The following DSCAM variants were observed in gnomAD, a reference collection of about 807,000 sequenced individuals.
DSCAM encodes the protein DS cell adhesion molecule, also known as cell adhesion molecule DSCAM.
DSCAM carries 47 observed loss-of-function variants against 217.7 expected under a neutral mutation model. The observed-to-expected ratio is 0.22, with a 90% CI of 0.17 to 0.28. The LOEUF is 0.28. Among genes scored for constraint, DSCAM ranks in the 10% least tolerant of loss-of-function variants. The pLI, the probability that DSCAM is intolerant of heterozygous loss-of-function variation, is 1.00. For missense variants in DSCAM, 2,080 were observed against 2,618.3 expected (o/e 0.79, Z 4.49); for synonymous variants, 1,056 against 1,015.3 (o/e 1.04, Z -0.76).
Position 40,546,508 on chromosome 21 carries a change from T to G in DSCAM, c.508+146302A>C, listed in dbSNP as rs541240230. On this transcript the variant is annotated intron_variant, in intron 3 of 32. Coordinates refer to ENST00000400454, the MANE Select transcript of DSCAM (RefSeq NM_001389.5). ...TCTCTGAGCCACCTCAGTTTCCATG[T>G]GAGGAGTAGGGGGTGACAATACCTA... is the stretch of plus-strand genomic sequence containing the variant. Among the ~76,000 whole-genome samples the G allele has an allele frequency of 2.8e-4, 42 of 152,266 alleles. No individual in the cohort carries two copies. In the South Asian group the frequency reaches 8.7e-3, roughly 32 times the overall value.
chr21:40,175,770 A>AACAC (rs1329501944), intron 15 of DSCAM, among the ~76,000 whole-genome samples: 4,818 of 126,296 alleles, frequency 0.038, 112 homozygotes, highest in South Asian at 0.042. Flanking sequence ...ATATTTTCTC[A>AACAC]ACACACACAT....
At chr21:40,444,339 T>C (rs1160128608) in intron 3 of DSCAM, among the ~76,000 whole-genome samples, 1 of 152,200 alleles carries the variant, frequency 6.6e-6, no homozygotes, top group African/African-American at 2.4e-5. Flanking sequence ...TAAATGTTTT[T>C]GTGTGGCTTG....
At chr21:40,671,375 A>G (rs978392102) in intron 3 of DSCAM, among the ~76,000 whole-genome samples, 5 of 152,192 alleles carry the variant, frequency 3.3e-5, no homozygotes, top group African/African-American at 1.2e-4. Flanking sequence ...AAGTCTCCAT[A>G]CACTAACATG....
chr21:40,229,343 T>C (rs554407612), intron 11 of DSCAM, among the ~76,000 whole-genome samples: 1 of 152,340 alleles, frequency 6.6e-6, no homozygotes, highest in Non-Finnish European at 1.5e-5. Flanking sequence ...CTTAAATGCT[T>C]TTTTTGAAAA....
At chr21:40,430,533 C>T (rs933604359) in intron 3 of DSCAM, among the ~76,000 whole-genome samples, 12 of 152,228 alleles carry the variant, frequency 7.9e-5, no homozygotes, top group African/African-American at 2.2e-4. Context: ...TTTTGGGACT[C>T]GAACTGGCTC....
At chr21:40,166,848 T>C (rs2090599905) in intron 16 of DSCAM, among the ~76,000 whole-genome samples, 1 of 152,166 alleles carries the variant, frequency 6.6e-6, no homozygotes, top group South Asian at 2.1e-4. Flanking sequence ...GTGGACTGTC[T>C]GCCACCGCAT....
Position 40,140,033 on chromosome 21 carries a change from G to A in DSCAM, c.3406+2525C>T, listed in dbSNP as rs1358274181. Among the ~76,000 whole-genome samples, 3 of 151,910 alleles carry A rather than the reference G, an allele frequency of 2.0e-5. No individual in the cohort carries two copies. The East Asian group carries it at 5.8e-4, about 29-fold the overall frequency. On this transcript the variant is annotated intron_variant, in intron 18 of 32. Coordinates refer to ENST00000400454, the MANE Select transcript of DSCAM (RefSeq NM_001389.5). ...ATGTGTGGTGTGTGCGCACGTGTAT[G>A]TGGTGTCGGTCAGCAGTCACTTCCT...
chr21:40,019,537 C>G (rs899454488), intron 32 of DSCAM, among the ~76,000 whole-genome samples: 1 of 152,202 alleles, frequency 6.6e-6, no homozygotes, highest in Admixed American at 6.5e-5. Flanking sequence ...GCAGGGCCTT[C>G]TTGGGTGTGT....
intron 4 of DSCAM, among the ~76,000 whole-genome samples, chr21:40,359,223 G>A (rs2074730570): frequency 6.6e-6 from 1 of 152,148 alleles, no homozygotes; most frequent in Non-Finnish European, 1.5e-5. Flanking sequence ...ACGTAAAAAT[G>A]GCTTGCTGGA....
At chr21:40,051,648 C>T (rs2088933323) in intron 30 of DSCAM, among the ~76,000 whole-genome samples, 1 of 152,150 alleles carries the variant, frequency 6.6e-6, no homozygotes, top group African/African-American at 2.4e-5. Context: ...TACTGGCATA[C>T]AGCAGATACA....
At chr21:40,301,713 C>G (rs1416721806) in intron 9 of DSCAM, among the ~76,000 whole-genome samples, 1 of 137,480 alleles carries the variant, frequency 7.3e-6, no homozygotes, top group Non-Finnish European at 1.5e-5. Flanking sequence ...GCCCAGCGCA[C>G]AGCACAGATC....
At chr21:40,585,628 T>C (rs1256038555) in intron 3 of DSCAM, among the ~76,000 whole-genome samples, 1 of 152,090 alleles carries the variant, frequency 6.6e-6, no homozygotes, top group African/African-American at 2.4e-5. Flanking sequence ...TAAGAGGGTG[T>C]TACGGTTTGG....
chr21:40,216,458 A>C (rs73230354), intron 11 of DSCAM, among the ~76,000 whole-genome samples: 6,071 of 152,134 alleles, frequency 0.04, 282 homozygotes, highest in African/African-American at 0.11. Flanking sequence ...TGGTTGCTTT[A>C]TAAAAAAAGC....
chr21:40,286,856 GCA>G (rs1384403866), intron 10 of DSCAM, among the ~76,000 whole-genome samples: 25 of 72,892 alleles, frequency 3.4e-4, no homozygotes, highest in Admixed American at 3.1e-3. Context: ...GCAGGTATCT[GCA>G]GTGTGATCCA....
chr21:40,345,468 T>C (rs1014695343), intron 6 of DSCAM, among the ~76,000 whole-genome samples: 6 of 152,198 alleles, frequency 3.9e-5, no homozygotes, highest in African/African-American at 1.4e-4. Flanking sequence ...GTTAGGCTGA[T>C]ATATGCTATT....
intron 1 of DSCAM, among the ~76,000 whole-genome samples, chr21:40,803,888 T>C (rs1479688668): frequency 2.0e-5 from 3 of 152,108 alleles, no homozygotes; most frequent in Admixed American, 6.5e-5. Context: ...GCCTAAATGG[T>C]CCTTCAGTGT....
At chr21:40,655,217 T>C (rs1390019712) in intron 3 of DSCAM, among the ~76,000 whole-genome samples, 3 of 152,184 alleles carry the variant, frequency 2.0e-5, no homozygotes, top group African/African-American at 7.2e-5. Flanking sequence ...ATCATGCTTG[T>C]CTTAGTCCAC....
intron 21 of DSCAM, among the ~76,000 whole-genome samples, chr21:40,088,910 C>T (rs962806510): frequency 6.6e-6 from 1 of 152,224 alleles, no homozygotes; most frequent in Non-Finnish European, 1.5e-5. Flanking sequence ...TGTGTATGTG[C>T]AAACAAAGTT....
chr21:40,423,487 G>A (rs1277013088), intron 3 of DSCAM, among the ~76,000 whole-genome samples: 1 of 152,180 alleles, frequency 6.6e-6, no homozygotes, highest in Non-Finnish European at 1.5e-5. Flanking sequence ...CATGGGAAAG[G>A]GGTGCAAGAC....
Sources: gnomAD v4.1 joint callset for allele counts (sites outside exome capture counted in the v4.1 genomes callset) on GRCh38, gnomAD v4.1.1 for gene constraint, MANE v1.5 for transcripts, NCBI Gene and HGNC (gene_info 2026-07-23, HGNC 2026-07-21) for gene names.